WDR41: variants seen among roughly 807,000 people sequenced by gnomAD.
WDR41 encodes the protein WD repeat domain 41, also known as WD repeat-containing protein 41.
A neutral mutation model predicts 69.3 loss-of-function variants in WDR41; 63 were observed. The observed-to-expected ratio is 0.91, with a 90% CI of 0.74 to 1.12. The LOEUF (loss-of-function observed/expected upper bound fraction) is 1.12. WDR41 is among the 50% of genes most tolerant of loss of function. The pLI is 0.00. For synonymous variants in WDR41, 185 were observed against 192.1 expected (o/e 0.96, Z 0.31); for missense variants, 543 against 534.5 (o/e 1.02, Z -0.16).
chr5:77,492,036 G>A, intron 1 of WDR41, 134 bp downstream of exon 1: 1 of 1,131,780 alleles, frequency 8.8e-7, no homozygotes, highest in Non-Finnish European at 1.2e-6. Flanking sequence ...TGAGAACAGC[G>A]CGTGGCACGA....
chr5:77,469,106 C>A (rs893143272), intron 2 of WDR41, among the ~76,000 whole-genome samples: 1 of 152,084 alleles, frequency 6.6e-6, no homozygotes, highest in Admixed American at 6.6e-5. Flanking sequence ...ATGGATGAAA[C>A]TGGAAACCAT....
chr5:77,509,446 T>C (rs183934852), intron 1 of WDR41, among the ~76,000 whole-genome samples: 27 of 152,322 alleles, frequency 1.8e-4, no homozygotes. Flanking sequence ...CTATTCATCA[T>C]ACTCAAAAGG....
chr5:77,474,408 C>A (rs989761819), intron 2 of WDR41, among the ~76,000 whole-genome samples: 2 of 151,638 alleles, frequency 1.3e-5, no homozygotes, highest in Non-Finnish European at 2.9e-5. Context: ...GCACATTGTG[C>A]ACATGTACCC....
At position 77,474,823 on chromosome 5, in the gene WDR41, C is replaced by G. The variant is rs188483340; in HGVS notation, c.168-10014G>C. On this transcript the variant is annotated intron_variant, in intron 2 of 12. Coordinates refer to ENST00000296679, the MANE Select transcript of WDR41 (RefSeq NM_018268.4). ...CAGTAGGAGGAGGAGCCAAGATGGCCCAATAGGAACAGCTCCGGTCTACAG... is the reference window on the plus strand; with the variant it reads ...CAGTAGGAGGAGGAGCCAAGATGGCGCAATAGGAACAGCTCCGGTCTACAG... Among the ~76,000 whole-genome samples, 421 of 152,198 alleles carry G rather than the reference C, an allele frequency of 2.8e-3. 5 individuals are homozygous for G. Among genetic ancestry groups the G allele is most frequent in the African/African-American group, 9.9e-3 (411 of 41,514 alleles).
chr5:77,517,028 A>G (rs1401971061), intron 1 of WDR41, among the ~76,000 whole-genome samples: 1 of 151,848 alleles, frequency 6.6e-6, no homozygotes, highest in African/African-American at 2.4e-5. Context: ...AAAAAAAAAA[A>G]AGGAAAAAGA....
chr5:77,506,461 T>C (rs1802109723), intron 1 of WDR41, among the ~76,000 whole-genome samples: 1 of 152,158 alleles, frequency 6.6e-6, no homozygotes, highest in Non-Finnish European at 1.5e-5. Flanking sequence ...AGTTCAACCA[T>C]TGTGGAAGAC....
intron 8 of WDR41, among the ~76,000 whole-genome samples, chr5:77,444,876 G>A (rs1229102872): frequency 2.0e-5 from 3 of 152,194 alleles, no homozygotes; most frequent in East Asian, 1.9e-4. Context: ...TATAGTCATA[G>A]AGTTTATAAA....
chr5:77,514,049 T>C (rs1333084266), intron 1 of WDR41, among the ~76,000 whole-genome samples: 1 of 152,154 alleles, frequency 6.6e-6, no homozygotes, highest in Non-Finnish European at 1.5e-5. Flanking sequence ...GTTTTGTTAC[T>C]CAAACAGAAA....
intron 2 of WDR41, among the ~76,000 whole-genome samples, chr5:77,481,053 G>A (rs944172539): frequency 1.8e-4 from 27 of 149,600 alleles, no homozygotes; most frequent in African/African-American, 3.9e-4. Context: ...ACAAAGTCTC[G>A]CCCTGTTGCC....
At chr5:77,572,243 A>G (rs1743747410) in intron 1 of WDR41, among the ~76,000 whole-genome samples, 4 of 152,178 alleles carry the variant, frequency 2.6e-5, no homozygotes, top group Admixed American at 2.0e-4. Context: ...ATGTCATTCT[A>G]CCCACTTCGC....
At chr5:77,575,798 T>C (rs116238914) in intron 1 of WDR41, among the ~76,000 whole-genome samples, 172 of 152,280 alleles carry the variant, frequency 1.1e-3, no homozygotes, top group African/African-American at 3.9e-3. Flanking sequence ...GAGACTTTCC[T>C]CATGGAATTT....
chr5:77,451,428 T>C, intron 6 of WDR41, 75 bp from the exon 7 acceptor site: 1 of 1,380,932 alleles, frequency 7.2e-7, no homozygotes, highest in Non-Finnish European at 1.0e-6. Flanking sequence ...ATTCTCAGTT[T>C]TATGTCAGTC....
intron 1 of WDR41, among the ~76,000 whole-genome samples, chr5:77,543,612 A>C (rs140780903): frequency 0.035 from 5,301 of 152,140 alleles, 136 homozygotes; most frequent in Middle Eastern, 0.11. Flanking sequence ...ACAAAGAAAA[A>C]TGAATAAGAA....
At chr5:77,504,229 A>T (rs1309713711) in intron 1 of WDR41, among the ~76,000 whole-genome samples, 4 of 152,222 alleles carry the variant, frequency 2.6e-5, no homozygotes, top group African/African-American at 9.6e-5. Context: ...ACAAACTACC[A>T]TCAGAGAATA....
Position 77,588,043 on chromosome 5 carries a change from A to T in WDR41, c.42+32436T>A, listed in dbSNP as rs147544238. 3.2e-3 allele frequency among the ~76,000 whole-genome samples: 494 copies of T among 152,304 alleles called. 3 individuals are homozygous for T. Among genetic ancestry groups the T allele is most frequent in the African/African-American group, 0.011 (476 of 41,564 alleles). ...ATGACAGAAGCCCTAATGAACTAAT[A>T]TAGTCACCTTATCATATGCTTATTG... On this transcript the variant is annotated intron_variant, in intron 1 of 5. Coordinates refer to the WDR41 transcript ENST00000509971.
At chr5:77,602,522 C>T (rs150266979) in intron 1 of WDR41, among the ~76,000 whole-genome samples, 435 of 152,240 alleles carry the variant, frequency 2.9e-3, no homozygotes, top group African/African-American at 0.01. Flanking sequence ...CTTTCAGTAC[C>T]TGGCTTATTT....
intron 8 of WDR41, among the ~76,000 whole-genome samples, chr5:77,446,781 T>C (rs1422889587): frequency 6.6e-6 from 1 of 152,112 alleles, no homozygotes; most frequent in African/African-American, 2.4e-5. Context: ...TAACTCAAGA[T>C]GAATTAAAGA....
At chr5:77,484,427 G>A (rs1317287295) in intron 2 of WDR41, among the ~76,000 whole-genome samples, 1 of 152,072 alleles carries the variant, frequency 6.6e-6, no homozygotes, top group African/African-American at 2.4e-5. Flanking sequence ...AAAGCTATTT[G>A]GTTAACAGAT....
At chr5:77,605,511 G>A (rs1264536841) in intron 1 of WDR41, among the ~76,000 whole-genome samples, 1 of 152,180 alleles carries the variant, frequency 6.6e-6, no homozygotes, top group Non-Finnish European at 1.5e-5. Flanking sequence ...TCTTGTGAGA[G>A]GCTTTGCTCT....
Sources: allele counts gnomAD v4.1 joint callset (sites outside exome capture counted in the v4.1 genomes callset), GRCh38; gene constraint gnomAD v4.1.1; transcripts MANE v1.5; gene names NCBI Gene and HGNC (gene_info 2026-07-23, HGNC 2026-07-21).